GPLD1: variants seen among roughly 807,000 people sequenced by gnomAD.
The protein encoded by GPLD1 is phosphatidylinositol-glycan-specific phospholipase D.
A neutral mutation model predicts 112.6 loss-of-function variants in GPLD1; 84 were observed. The ratio of observed to expected loss-of-function variants is 0.75; its 90% CI spans 0.63 to 0.89. GPLD1 has a LOEUF of 0.89. Ranked by LOEUF, GPLD1 falls within the 40% of genes least tolerant of loss-of-function variation. The pLI, the probability that GPLD1 is intolerant of heterozygous loss-of-function variation, is 0.00. For synonymous variants in GPLD1, 386 were observed against 403.8 expected (o/e 0.96, Z 0.53); for missense variants, 1,044 against 1,051.5 (o/e 0.99, Z 0.10).
chr6:24,429,934 G>C (rs1161054349), intron 24 of GPLD1, among the ~76,000 whole-genome samples: 2 of 152,226 alleles, frequency 1.3e-5, no homozygotes, highest in Non-Finnish European at 2.9e-5. Flanking sequence ...CTGAACCAAA[G>C]CTGGCACATG....
upstream of GPLD1, among the ~76,000 whole-genome samples, chr6:24,494,411 C>T (rs1457566417): frequency 6.6e-6 from 1 of 152,136 alleles, no homozygotes; most frequent in Non-Finnish European, 1.5e-5. Context: ...TAGACACACA[C>T]CCAAAAAAGC....
chr6:24,442,192 A>G (rs1000072673), intron 20 of GPLD1, among the ~76,000 whole-genome samples: 3 of 149,274 alleles, frequency 2.0e-5, no homozygotes, highest in African/African-American at 7.4e-5. Context: ...GTGTGATCAT[A>G]GCTCACTGCA....
chr6:24,473,805 C>A, intron 5 of GPLD1, 138 bp from the exon 6 acceptor site: 1 of 536,378 alleles, frequency 1.9e-6, no homozygotes. Flanking sequence ...AATTTTCACA[C>A]TAACATTTTA....
intron 12 of GPLD1, among the ~76,000 whole-genome samples, chr6:24,457,020 G>A (rs866681675): frequency 1.3e-5 from 2 of 152,124 alleles, no homozygotes; most frequent in Non-Finnish European, 2.9e-5. Context: ...ACAGGTGCTC[G>A]CCACCACACC....
chr6:24,474,671 G>C (rs1028258741), intron 5 of GPLD1, among the ~76,000 whole-genome samples: 1 of 152,168 alleles, frequency 6.6e-6, no homozygotes, highest in African/African-American at 2.4e-5. Context: ...ACCGGGCGCG[G>C]TGGCTTATGC....
chr6:24,448,328 C>CAGGAGTT, intron 15 of GPLD1, 120 bp from the exon 16 acceptor site: 1 of 433,542 alleles, frequency 2.3e-6, no homozygotes, highest in Non-Finnish European at 4.4e-6. Context: ...GTCTATAATC[C>CAGGAGTT]CAGTGCTTTG....
intron 20 of GPLD1, 54 bp from the exon 21 acceptor site, chr6:24,437,343 C>T: frequency 6.7e-7 from 1 of 1,483,176 alleles, no homozygotes; most frequent in Admixed American, 1.7e-5. Context: ...CATTACAGAA[C>T]ACGGAATAGC....
chr6:24,452,621 C>G (rs553023252), intron 14 of GPLD1, among the ~76,000 whole-genome samples: 39 of 152,168 alleles, frequency 2.6e-4, no homozygotes, highest in African/African-American at 8.2e-4. Flanking sequence ...ACTAAAAATA[C>G]AAAAATTAGC....
At chr6:24,486,049 A>G in intron 2 of GPLD1, 26 bp downstream of exon 2, 2 of 1,428,900 alleles carry the variant, frequency 1.4e-6, no homozygotes, top group South Asian at 2.4e-5. Context: ...ATGCACAAAG[A>G]AGAAAAGAAA....
At chr6:24,455,000 G>C (rs75193054) in intron 13 of GPLD1, among the ~76,000 whole-genome samples, 1 of 152,102 alleles carries the variant, frequency 6.6e-6, no homozygotes, top group Non-Finnish European at 1.5e-5. Flanking sequence ...ATGGTGGCAG[G>C]CGCCTGTAAT....
rs920778303 is a variant in GPLD1, at chr6:24,489,515, C to T, written c.-4G>A. ...GCCACAACCTGAAAGCAGACATGAT[C>T]TCATTGCCCACCGGCTTCTCTGGTG... On this transcript the variant is annotated 5_prime_UTR_variant, in exon 1 of 25. Coordinates refer to ENST00000230036, the MANE Select transcript of GPLD1 (RefSeq NM_001503.4). 6.2e-7 allele frequency: 1 copy of T among 1,613,766 alleles called. No homozygotes were observed.
chr6:24,424,516 A>C (rs1762163065), downstream of GPLD1: 1 of 152,242 alleles, frequency 6.6e-6, no homozygotes, highest in South Asian at 2.1e-4. Context: ...CTGACAGATG[A>C]GCTTCCTAAA....
chr6:24,451,658 C>T (rs1763093557), intron 14 of GPLD1, among the ~76,000 whole-genome samples: 1 of 152,198 alleles, frequency 6.6e-6, no homozygotes, highest in Admixed American at 6.5e-5. Context: ...TCTTTCACAA[C>T]TTACATAACA....
exon 1 of GPLD1, chr6:24,495,136 A>G: frequency 5.0e-6 from 7 of 1,409,186 alleles, no homozygotes; most frequent in Non-Finnish European, 6.4e-6. Flanking sequence ...CTCCGCTGCT[A>G]CGCTGGGCGC....
chr6:24,437,757 T>C (rs1762625774), intron 20 of GPLD1, among the ~76,000 whole-genome samples: 1 of 152,152 alleles, frequency 6.6e-6, no homozygotes, highest in East Asian at 1.9e-4. Context: ...ATTTGGGCCT[T>C]TGGACATGAT....
chr6:24,429,090 C>T lies in GPLD1; in HGVS notation c.2465G>A (p.Ser822Asn), dbSNP rs747585619. 2 of 1,613,536 alleles carry T rather than the reference C, an allele frequency of 1.2e-6. No homozygotes were observed. Among genetic ancestry groups the T allele is most frequent in the Non-Finnish European group, 1.7e-6 (2 of 1,179,644 alleles). The part of the protein sequence containing the change: ...KNQVVIAAGR[S>N]SLGARLSGAL... ...CCCGGAGAGTCGGGCTCCCAAAGAA[C>T]TCCTTCCAGCAGCAATGACGACTTG... Residue 822 changes from serine to asparagine, a missense_variant, in exon 25 of 25, where the codon AGT (serine) becomes AAT (asparagine). By Grantham distance (46) the Ser-to-Asn change is conservative. Transcript: ENST00000230036.
chr6:24,443,905 C>T (rs1762829332), intron 20 of GPLD1, among the ~76,000 whole-genome samples: 2 of 152,108 alleles, frequency 1.3e-5, no homozygotes, highest in South Asian at 4.1e-4. Flanking sequence ...AACTCCTGAC[C>T]TCAACTGATC....
intron 1 of GPLD1, among the ~76,000 whole-genome samples, chr6:24,486,578 A>G (rs563855416): frequency 6.6e-6 from 1 of 152,324 alleles, no homozygotes; most frequent in East Asian, 1.9e-4. Context: ...GAACTTTGGG[A>G]GGCCGAGGAG....
chr6:24,434,510 C>A (rs1762507425), intron 22 of GPLD1, among the ~76,000 whole-genome samples: 1 of 151,800 alleles, frequency 6.6e-6, no homozygotes, highest in Non-Finnish European at 1.5e-5. Context: ...AGAATCAGAT[C>A]TTGGTTCAAA....
Sources: allele counts gnomAD v4.1 joint callset (sites outside exome capture counted in the v4.1 genomes callset), GRCh38; gene constraint gnomAD v4.1.1; transcripts MANE v1.5; gene names NCBI Gene and HGNC (gene_info 2026-07-23, HGNC 2026-07-21).